The following KHDRBS2 variants were observed in gnomAD, a reference collection of about 807,000 sequenced individuals.
KHDRBS2 encodes KH RNA binding domain containing, signal transduction associated 2.
KHDRBS2 carries 26 observed loss-of-function variants against 44.3 expected under a neutral mutation model. The ratio of observed to expected loss-of-function variants is 0.59; its 90% CI spans 0.43 to 0.81. KHDRBS2 has a LOEUF of 0.81. Among genes scored for constraint, KHDRBS2 ranks in the 40% least tolerant of loss-of-function variants. KHDRBS2 has a pLI of 0.00. For missense variants in KHDRBS2, 476 were observed against 433.1 expected (o/e 1.10, Z -0.88); for synonymous variants, 194 against 151.1 (o/e 1.28, Z -2.08).
At chr6:61,682,573 T>C (rs191195261) in intron 8 of KHDRBS2, among the ~76,000 whole-genome samples, 165 of 152,002 alleles carry the variant, frequency 1.1e-3, no homozygotes, top group African/African-American at 3.8e-3. Context: ...ATATTGTCTA[T>C]TGCTGCTTTC....
chr6:62,166,945 G>A (rs1818825488), intron 2 of KHDRBS2, among the ~76,000 whole-genome samples: 4 of 152,034 alleles, frequency 2.6e-5, no homozygotes, highest in Admixed American at 2.6e-4. Flanking sequence ...ATGAAGAATG[G>A]CAGGATTGTA....
At chr6:61,964,820 A>T (rs546375268) in intron 4 of KHDRBS2, among the ~76,000 whole-genome samples, 5 of 152,238 alleles carry the variant, frequency 3.3e-5, no homozygotes, top group Non-Finnish European at 5.9e-5. Flanking sequence ...AAAAGCACTT[A>T]AACAGATTTC....
intron 2 of KHDRBS2, among the ~76,000 whole-genome samples, chr6:62,128,616 T>A (rs2150088041): frequency 6.6e-6 from 1 of 152,114 alleles, no homozygotes; most frequent in East Asian, 1.9e-4. Flanking sequence ...AGTAACACTG[T>A]CTCTTAAAAT....
intron 7 of KHDRBS2, among the ~76,000 whole-genome samples, chr6:61,716,734 T>A (rs1284183599): frequency 2.0e-5 from 3 of 152,100 alleles, no homozygotes; most frequent in Non-Finnish European, 4.4e-5. Context: ...GTTATTCATA[T>A]GTTAAACTTT....
the KHDRBS2 span, among the ~76,000 whole-genome samples, chr6:61,663,510 T>TATATATATATATATAC: frequency 1.3e-4 from 12 of 92,190 alleles, no homozygotes; most frequent in Non-Finnish European, 2.1e-4. Flanking sequence ...CATATATATA[T>TATATATATATATATAC]ATATATATAT....
intron 7 of KHDRBS2, among the ~76,000 whole-genome samples, chr6:61,707,876 G>A (rs1432137592): frequency 4.0e-5 from 6 of 151,534 alleles, no homozygotes; most frequent in Admixed American, 6.6e-5. Context: ...TATTCTATAC[G>A]TAACTGCTAT....
chr6:62,010,822 TGTTA>T (rs1780162753), intron 3 of KHDRBS2, among the ~76,000 whole-genome samples: 1 of 152,210 alleles, frequency 6.6e-6, no homozygotes, highest in Non-Finnish European at 1.5e-5. Flanking sequence ...TTTTTTAAAC[TGTTA>T]ATTACCCAAT....
intron 2 of KHDRBS2, among the ~76,000 whole-genome samples, chr6:62,105,128 G>A (rs1426229880): frequency 6.6e-6 from 1 of 152,010 alleles, no homozygotes; most frequent in Non-Finnish European, 1.5e-5. Flanking sequence ...AAAAAAATGA[G>A]CTTTTAGTTA....
At chr6:61,773,640 T>C (rs1442725468) in intron 6 of KHDRBS2, among the ~76,000 whole-genome samples, 1 of 149,656 alleles carries the variant, frequency 6.7e-6, no homozygotes, top group Non-Finnish European at 1.5e-5. Flanking sequence ...AGAAGCTCTT[T>C]AGTTTAATTA....
chr6:61,949,453 A>G (rs1308799847), intron 4 of KHDRBS2, among the ~76,000 whole-genome samples: 2 of 152,082 alleles, frequency 1.3e-5, no homozygotes, highest in Non-Finnish European at 2.9e-5. Context: ...TCTTATCTTC[A>G]GCTACAGGAC....
intron 7 of KHDRBS2, among the ~76,000 whole-genome samples, chr6:61,698,936 C>T (rs1208066671): frequency 6.6e-6 from 1 of 152,080 alleles, no homozygotes; most frequent in Non-Finnish European, 1.5e-5. Flanking sequence ...GACCAGGGAC[C>T]ACCTACCTTG....
chr6:61,542,747 A>T, the KHDRBS2 span, among the ~76,000 whole-genome samples: 1 of 151,994 alleles, frequency 6.6e-6, no homozygotes, highest in African/African-American at 2.4e-5. Flanking sequence ...GAAAACCCTG[A>T]TACCAATTAA....
intron 6 of KHDRBS2, among the ~76,000 whole-genome samples, chr6:61,741,615 T>C (rs1442146520): frequency 6.6e-6 from 1 of 151,932 alleles, no homozygotes; most frequent in Non-Finnish European, 1.5e-5. Flanking sequence ...TTTCTTTACC[T>C]ATTTAAAAAG....
At chr6:61,590,354 A>T in the KHDRBS2 span, among the ~76,000 whole-genome samples, 1 of 152,204 alleles carries the variant, frequency 6.6e-6, no homozygotes, top group African/African-American at 2.4e-5. Context: ...TCTTGCATAC[A>T]TAACAGCTCT....
intron 6 of KHDRBS2, among the ~76,000 whole-genome samples, chr6:61,741,202 C>T (rs1162451255): frequency 2.6e-5 from 4 of 151,408 alleles, no homozygotes; most frequent in African/African-American, 7.3e-5. Flanking sequence ...CTCTTACATG[C>T]ATTACTACCC....
At chr6:62,089,597 C>T (rs1799115252) in intron 2 of KHDRBS2, among the ~76,000 whole-genome samples, 3 of 152,066 alleles carry the variant, frequency 2.0e-5, no homozygotes, top group South Asian at 4.2e-4. Flanking sequence ...CCGTGTACCT[C>T]AGTTGGAAAT....
chr6:62,201,036 G>A (rs1826868282), intron 1 of KHDRBS2, among the ~76,000 whole-genome samples: 1 of 152,128 alleles, frequency 6.6e-6, no homozygotes, highest in Non-Finnish European at 1.5e-5. Context: ...CTTGAACAAT[G>A]AGAACACATG....
chr6:61,747,913 GGTT>G (rs1466572277), intron 6 of KHDRBS2, among the ~76,000 whole-genome samples: 1 of 152,148 alleles, frequency 6.6e-6, no homozygotes, highest in Non-Finnish European at 1.5e-5. Flanking sequence ...TAAATGTTCA[GGTT>G]GTTATTAATA....
At chr6:61,996,557 G>A (rs1777200659) in intron 3 of KHDRBS2, among the ~76,000 whole-genome samples, 1 of 152,010 alleles carries the variant, frequency 6.6e-6, no homozygotes, top group African/African-American at 2.4e-5. Flanking sequence ...GTTATATCAA[G>A]GAATGGTTAG....
Sources: allele counts gnomAD v4.1 joint callset (sites outside exome capture counted in the v4.1 genomes callset), GRCh38; gene constraint gnomAD v4.1.1; transcripts MANE v1.5; gene names NCBI Gene and HGNC (gene_info 2026-07-23, HGNC 2026-07-21).